Variants in MED13 observed in about 807,000 individuals in gnomAD.
The protein encoded by MED13 is mediator complex subunit 13, also known as mediator of RNA polymerase II transcription subunit 13.
In MED13, 23 loss-of-function variants were observed where a neutral mutation model predicts 225.2. That is an observed-to-expected ratio of 0.10 (90% confidence interval 0.07 to 0.14). The LOEUF (loss-of-function observed/expected upper bound fraction) is 0.14. Ranked by LOEUF, MED13 falls within the 10% of genes least tolerant of loss-of-function variation. MED13 has a pLI of 1.00. For missense variants in MED13, 2,197 were observed against 2,594.5 expected, an observed-to-expected ratio of 0.85 and a Z score of 3.33; for synonymous variants, 942 against 889.2, an observed-to-expected ratio of 1.06 and a Z score of -1.06.
intron 15 of MED13, 140 bp downstream of exon 15, chr17:61,984,031 C>T: frequency 1.7e-6 from 1 of 597,330 alleles, no homozygotes; most frequent in East Asian, 3.4e-5. Flanking sequence ...CCCAGCCAAT[C>T]ACTATAATTG....
At chr17:61,953,279 T>C (rs1240845336) in intron 26 of MED13, among the ~76,000 whole-genome samples, 166 bp from the exon 27 acceptor site, 3 of 152,184 alleles carry the variant, frequency 2.0e-5, no homozygotes, top group Non-Finnish European at 2.9e-5. Context: ...GCCGTACAAA[T>C]AATTATGCAT....
Position 61,945,586 on chromosome 17 carries a change from C to T in MED13, c.*882G>A, listed in dbSNP as rs980646637. The T allele has an allele frequency of 6.6e-6, 1 of 152,608 alleles. No homozygotes were observed. Among genetic ancestry groups the T allele is most frequent in the African/African-American group, 2.4e-5 (1 of 41,448 alleles). 9.5% of individuals were successfully genotyped at this position (152,608 alleles called of 1,614,324 possible). A position where few individuals can be genotyped will look rare whatever the true frequency, so the allele number is the denominator to read the frequency against. The stretch of plus-strand genomic sequence containing the variant: ...GTACAAAATATAACTGAAGAATTCT[C>T]ATTTTATTCTAAGTTAAACCACCTA... On this transcript the variant is annotated 3_prime_UTR_variant, in exon 30 of 30. Transcript: ENST00000397786.
chr17:61,951,342 T>C (rs1232321939), intron 27 of MED13, among the ~76,000 whole-genome samples: 3 of 152,198 alleles, frequency 2.0e-5, no homozygotes, highest in Non-Finnish European at 2.9e-5. Flanking sequence ...CTTTAAGTCC[T>C]GAAAACCACA....
intron 12 of MED13, 22 bp downstream of exon 12, chr17:61,986,985 T>C (rs772310280): frequency 5.4e-6 from 8 of 1,475,018 alleles, no homozygotes; most frequent in Non-Finnish European, 7.3e-6. Flanking sequence ...ATTATAATCC[T>C]ATTCATTAAT....
At chr17:62,053,320 G>A (rs1329330640) in intron 2 of MED13, among the ~76,000 whole-genome samples, 2 of 151,988 alleles carry the variant, frequency 1.3e-5, no homozygotes, top group Non-Finnish European at 2.9e-5. Flanking sequence ...CTTTACTTGG[G>A]GGAGAAATTT....
chr17:62,023,849 A>G (rs1286080001), intron 8 of MED13, among the ~76,000 whole-genome samples: 1 of 152,222 alleles, frequency 6.6e-6, no homozygotes, highest in East Asian at 1.9e-4. Context: ...GGTGGGCAGA[A>G]GACCTAAAGT....
intron 8 of MED13, among the ~76,000 whole-genome samples, chr17:62,012,317 C>A (rs919640611): frequency 6.7e-6 from 1 of 150,142 alleles, no homozygotes; most frequent in Non-Finnish European, 1.5e-5. Flanking sequence ...ATTATTTTTA[C>A]ACTAAGAAAC....
intron 16 of MED13, among the ~76,000 whole-genome samples, chr17:61,975,074 C>T (rs927204812): frequency 7.3e-5 from 11 of 151,286 alleles, no homozygotes; most frequent in Non-Finnish European, 1.3e-4. Flanking sequence ...GAGGCTGCAG[C>T]GGGAGGATCC....
chr17:61,956,070 G>A (rs1214424294), intron 24 of MED13, among the ~76,000 whole-genome samples: 1 of 152,066 alleles, frequency 6.6e-6, no homozygotes, highest in Non-Finnish European at 1.5e-5. Flanking sequence ...ATTGGTATCT[G>A]CTCAACAGAG....
chr17:61,948,477 A>C (rs1047790017), intron 28 of MED13, among the ~76,000 whole-genome samples: 22 of 152,284 alleles, frequency 1.4e-4, no homozygotes, highest in African/African-American at 5.3e-4. Flanking sequence ...TGTATTAATA[A>C]GTTTGGGAAA....
At chr17:61,948,848 AGGCCGAGGCGGGC>A in intron 28 of MED13, among the ~76,000 whole-genome samples, 1 of 151,524 alleles carries the variant, frequency 6.6e-6, no homozygotes, top group South Asian at 2.1e-4. Flanking sequence ...GCACTTTGGG[AGGCCGAGGCGGGC>A]GGATCACGAG....
chr17:62,029,451 T>C (rs1026066082), intron 8 of MED13, 90 bp downstream of exon 8: 47 of 944,862 alleles, frequency 5.0e-5, no homozygotes, highest in Admixed American at 1.6e-4. Flanking sequence ...CATATGTTCA[T>C]GTAAGCTGTT....
chr17:61,966,397 A>G (rs2080058439), intron 19 of MED13, 65 bp downstream of exon 19: 2 of 1,265,606 alleles, frequency 1.6e-6, no homozygotes, highest in Non-Finnish European at 2.2e-6. Context: ...ATCTACAAAA[A>G]CAGCTGGTGG....
Position 61,965,084 on chromosome 17 carries a change from G to A in MED13, c.4766C>T (p.Thr1589Ile), listed in dbSNP as rs2080043875. The change falls in exon 20 of 30, where the codon ACA (threonine) becomes ATA (isoleucine). Residue 1589 changes from threonine (T) to isoleucine (I), a missense_variant. Physicochemically the swap from Thr to Ile is moderately conservative, Grantham distance 89. Around this residue, in one of 12 missense-constraint regions of MED13, gnomAD observed 457 missense variants for 442.2 expected, o/e 1.03. Transcript: ENST00000397786. ...VQSGQLGGQQ[T>I]SALQTAGISG... is the part of the protein sequence containing the mutation. The stretch of plus-strand genomic sequence containing the variant: ...AATCCCAGCTGTCTGTAGAGCTGAT[G>A]TCTGTTGCCCTCCTAGCTGACCACT... The A allele has an allele frequency of 6.2e-7, 1 of 1,614,222 alleles. No individual in the cohort carries two copies. Among genetic ancestry groups the A allele is most frequent in the Non-Finnish European group, 8.5e-7 (1 of 1,180,024 alleles).
At chr17:62,015,938 ATATATATATATATATATTTT>A (rs1242945642) in intron 8 of MED13, among the ~76,000 whole-genome samples, 2 of 8,998 alleles carry the variant, frequency 2.2e-4, no homozygotes, top group Non-Finnish European at 2.6e-4. Context: ...ATATATATAT[ATATATATATATATATATTTT>A]TTTTTTTTTT....
At position 62,011,876 on chromosome 17, in the gene MED13, C is replaced by T. The variant is rs1007061641; in HGVS notation, c.1284-643G>A. On this transcript the variant is annotated intron_variant, in intron 8 of 29. Coordinates refer to ENST00000397786, the MANE Select transcript of MED13 (RefSeq NM_005121.3). ...CTCATAATTTGAAGCAATTCTAAAA[C>T]GAAGAACTTAAATGATACACCTAAA... Among the ~76,000 whole-genome samples, 15 of 152,174 alleles carry T rather than the reference C, an allele frequency of 9.9e-5. No individual in the cohort carries two copies. In the South Asian group the frequency reaches 1.0e-3, roughly 11 times the overall value.
chr17:61,988,357 T>C (rs1156700644), intron 11 of MED13, among the ~76,000 whole-genome samples: 1 of 152,196 alleles, frequency 6.6e-6, no homozygotes, highest in African/African-American at 2.4e-5. Context: ...CAATGAAAAT[T>C]AAACTCCCAA....
intron 11 of MED13, among the ~76,000 whole-genome samples, chr17:61,990,236 T>A (rs1388151769): frequency 6.6e-6 from 1 of 152,116 alleles, no homozygotes; most frequent in Non-Finnish European, 1.5e-5. Flanking sequence ...AAAAAAGGTA[T>A]GTAAGGTAAT....
At position 62,030,026 on chromosome 17, in the gene MED13, CA is replaced by C. The variant is rs753630500; in HGVS notation, c.1010-14del. 70 of 1,514,960 alleles carry C rather than the reference CA, an allele frequency of 4.6e-5. No individual in the cohort carries two copies. The East Asian group carries it at 1.5e-3, about 33-fold the overall frequency. 93.8% of individuals were successfully genotyped at this position (1,514,960 alleles called of 1,614,324 possible). A position where few individuals can be genotyped will look rare whatever the true frequency, so the allele number is the denominator to read the frequency against. On this transcript the variant is annotated splice_polypyrimidine_tract_variant and intron_variant, in intron 6 of 29. Transcript: ENST00000397786. ...GACTGAGGATCAACTGAAAACAAAA[CA>C]AAAAAACAGGCTGTAGGAGAATAAA...
Sources: gnomAD v4.1 joint callset for allele counts (sites outside exome capture counted in the v4.1 genomes callset) on GRCh38, gnomAD v4.1.1 for gene constraint, gnomAD v4.1.1 regional missense constraint, MANE v1.5 for transcripts, NCBI Gene and HGNC (gene_info 2026-07-23, HGNC 2026-07-21) for gene names.